Variants in YWHAZ observed in about 807,000 individuals in gnomAD.
YWHAZ encodes the protein tyrosine 3-monooxygenase/tryptophan 5-monooxygenase activation protein zeta, also known as 14-3-3 protein zeta/delta.
For missense variants in YWHAZ, 79 were observed against 284.8 expected, an observed-to-expected ratio of 0.28 and a Z score of 5.20; for synonymous variants, 87 against 103.6, an observed-to-expected ratio of 0.84 and a Z score of 0.97.
At chr8:100,950,218 G>C (rs960984666) in intron 1 of YWHAZ, among the ~76,000 whole-genome samples, 4 of 152,068 alleles carry the variant, frequency 2.6e-5, no homozygotes, top group African/African-American at 9.7e-5. Flanking sequence ...TTTTCCCTTA[G>C]GATCTCAGAA....
chr8:100,943,240 T>C (rs1385648443), intron 2 of YWHAZ, among the ~76,000 whole-genome samples: 1 of 152,226 alleles, frequency 6.6e-6, no homozygotes, highest in South Asian at 2.1e-4. Flanking sequence ...GTGTTTATTC[T>C]CTATGTGGAA....
chr8:100,931,259 T>A (rs964657698), intron 2 of YWHAZ, among the ~76,000 whole-genome samples: 2 of 152,206 alleles, frequency 1.3e-5, no homozygotes, highest in African/African-American at 4.8e-5. Context: ...AGGAACCACA[T>A]AAATTGACAG....
chr8:100,952,195 C>G (rs116539897), upstream of YWHAZ: 334 of 980,498 alleles, frequency 3.4e-4, 1 homozygote, highest in African/African-American at 5.6e-3. Flanking sequence ...CCCCGGCGCT[C>G]GTCCTGCCCG....
At chr8:100,946,902 A>G (rs1463596172) in intron 2 of YWHAZ, among the ~76,000 whole-genome samples, 3 of 151,752 alleles carry the variant, frequency 2.0e-5, no homozygotes, top group Non-Finnish European at 2.9e-5. Context: ...AAAAAACAAA[A>G]AAAACAAAAA....
intron 2 of YWHAZ, among the ~76,000 whole-genome samples, chr8:100,934,157 CAAAAAAAA>C (rs35069019): frequency 0.017 from 1,353 of 78,176 alleles, 54 homozygotes; most frequent in African/African-American, 0.062. Flanking sequence ...AGACTCGTCT[CAAAAAAAA>C]AAAAAAAAAA....
intron 1 of YWHAZ, chr8:100,951,057 GT>G: frequency 3.4e-5 from 3 of 88,528 alleles, no homozygotes; most frequent in Non-Finnish European, 5.3e-5. Flanking sequence ...TCCCCCGCCC[GT>G]TCACAAGGAG....
Position 100,917,726 on chromosome 8 carries a change from A to G in YWHAZ, c.*2967T>C, listed in dbSNP as rs1812763356. On this transcript the variant is annotated 3_prime_UTR_variant, in exon 6 of 6. Coordinates refer to ENST00000395958, the MANE Select transcript of YWHAZ (RefSeq NM_145690.3). ...AGTTGACACTCCGTCTTAAAAACAA[A>G]CGAACAAAAAAATTCCAGTACTTTA... 1 of 152,198 alleles carries G rather than the reference A, an allele frequency of 6.6e-6. No individual in the cohort carries two copies. Among genetic ancestry groups the G allele is most frequent in the Admixed American group, 6.5e-5 (1 of 15,288 alleles). 9.4% of individuals were successfully genotyped at this position (152,198 alleles called of 1,614,324 possible). A position where few individuals can be genotyped will look rare whatever the true frequency, so the allele number is the denominator to read the frequency against.
Position 100,918,832 on chromosome 8 carries a change from T to TA in YWHAZ, c.*1860dup, listed in dbSNP as rs1344710907. The TA allele has an allele frequency of 2.6e-5, 4 of 152,492 alleles. No homozygotes were observed. Among genetic ancestry groups the TA allele is most frequent in the Non-Finnish European group, 5.9e-5 (4 of 68,008 alleles). The allele number at this position is 152,492 out of a possible 1,614,324, so 9.4% of individuals were successfully genotyped here. A position where few individuals can be genotyped will look rare whatever the true frequency, so the allele number is the denominator to read the frequency against. ...GGAGCTTACATTCTAAAAGAAAAAA[T>TA]ACACCTTTTTTAAAATGGCATTTTT... On this transcript the variant is annotated 3_prime_UTR_variant, in exon 6 of 6. Transcript: ENST00000395958.
chr8:100,939,880 G>A lies in YWHAZ; in HGVS notation c.294+8716C>T, dbSNP rs1469483670. On this transcript the variant is annotated intron_variant, in intron 2 of 5. Coordinates refer to ENST00000395958, the MANE Select transcript of YWHAZ (RefSeq NM_145690.3). The stretch of plus-strand genomic sequence containing the variant: ...ACTAAAAAATACAAAAGAATTAGCC[G>A]GGCGTGGTGGCGGCCACCTGTAGTC... Among the ~76,000 whole-genome samples, 4 of 151,794 alleles carry A rather than the reference G, an allele frequency of 2.6e-5. 1 individual carries two copies. In the South Asian group the frequency reaches 6.2e-4, roughly 24 times the overall value.
intron 5 of YWHAZ, 146 bp downstream of exon 5, chr8:100,923,809 T>A (rs1408191342): frequency 1.8e-6 from 1 of 565,886 alleles, no homozygotes; most frequent in African/African-American, 1.9e-5. Context: ...AGGACTTTAA[T>A]AGTAGCTGAG....
chr8:100,926,652 G>A lies in YWHAZ; in HGVS notation c.295-1613C>T, dbSNP rs182656018. On this transcript the variant is annotated intron_variant, in intron 2 of 5. Coordinates refer to ENST00000395958, the MANE Select transcript of YWHAZ (RefSeq NM_145690.3). ...TAAAAATAAAATAAAATTACTGGCCGGAAATCAGAAGAACGTTTTGGTTAG... is the reference window on the plus strand; with the variant it reads ...TAAAAATAAAATAAAATTACTGGCCAGAAATCAGAAGAACGTTTTGGTTAG... 4.7e-4 allele frequency among the ~76,000 whole-genome samples: 71 copies of A among 152,202 alleles called. No homozygotes were observed. In the East Asian group the frequency reaches 9.5e-3, roughly 20 times the overall value.
chr8:100,941,894 C>A (rs965020528), intron 2 of YWHAZ, among the ~76,000 whole-genome samples: 1 of 151,958 alleles, frequency 6.6e-6, no homozygotes, highest in Non-Finnish European at 1.5e-5. Context: ...TGGGCAGTCC[C>A]TGCAAATTTA....
intron 2 of YWHAZ, among the ~76,000 whole-genome samples, chr8:100,927,690 G>T (rs141530313): frequency 6.6e-6 from 1 of 152,268 alleles, no homozygotes; most frequent in East Asian, 1.9e-4. Context: ...ATTTTTTTAG[G>T]AAAGGTGTTG....
intron 2 of YWHAZ, chr8:100,935,045 C>A (rs752122953): frequency 6.6e-6 from 1 of 151,758 alleles, no homozygotes; most frequent in African/African-American, 2.4e-5. Flanking sequence ...CCCAGCTACT[C>A]GGGAGGCTGA....
In YWHAZ at chr8:100,948,112, T is replaced by G. The variant is rs1810442844; in HGVS notation, c.294+484A>C. 1 of 1,534,914 alleles carries G rather than the reference T, an allele frequency of 6.5e-7. No individual in the cohort carries two copies. Among genetic ancestry groups the G allele is most frequent in the Non-Finnish European group, 8.7e-7 (1 of 1,146,732 alleles). On this transcript the variant is annotated intron_variant, in intron 2 of 5. Transcript: ENST00000395958. The surrounding 1 kb of genome is among the most constrained non-coding windows in gnomAD (Gnocchi z 4.2). ...TCAATGCAGGAAGAGGTTTCATAGT[T>G]GTGACGCCAGAGTTTTCTGCATGGT...
chr8:100,948,451 T>C lies in YWHAZ; in HGVS notation c.294+145A>G. ...ATCTATAATTGTCTTAACATCTTTTTAGTCATGACACCATGAAGACTTTTA... is the reference window on the plus strand; with the variant it reads ...ATCTATAATTGTCTTAACATCTTTTCAGTCATGACACCATGAAGACTTTTA... On this transcript the variant is annotated intron_variant, in intron 2 of 5. Coordinates refer to ENST00000395958, the MANE Select transcript of YWHAZ (RefSeq NM_145690.3). The surrounding 1 kb of genome is among the most constrained non-coding windows in gnomAD (Gnocchi z 4.2). The C allele has an allele frequency of 1.1e-6, 1 of 889,500 alleles. No individual in the cohort carries two copies. Among genetic ancestry groups the C allele is most frequent in the Non-Finnish European group, 1.7e-6 (1 of 583,720 alleles). 55.1% of individuals were successfully genotyped at this position (889,500 alleles called of 1,614,324 possible). A position where few individuals can be genotyped will look rare whatever the true frequency, so the allele number is the denominator to read the frequency against.
intron 2 of YWHAZ, among the ~76,000 whole-genome samples, chr8:100,945,139 T>G (rs1343865746): frequency 6.6e-6 from 1 of 152,206 alleles, no homozygotes; most frequent in Non-Finnish European, 1.5e-5. Flanking sequence ...TATTGCAGTT[T>G]GAAATTAACA....
At chr8:100,937,915 G>A (rs1470762375) in intron 2 of YWHAZ, among the ~76,000 whole-genome samples, 2 of 152,186 alleles carry the variant, frequency 1.3e-5, no homozygotes, top group Non-Finnish European at 1.5e-5. Flanking sequence ...AGGATGACCT[G>A]AGGTCAGGAG....
At chr8:100,929,940 A>G (rs758038793) in intron 2 of YWHAZ, among the ~76,000 whole-genome samples, 2 of 152,236 alleles carry the variant, frequency 1.3e-5, no homozygotes, top group Non-Finnish European at 2.9e-5. Context: ...AAAATATGCA[A>G]TAACTTCAGA....
Sources: gnomAD v4.1 joint callset for allele counts (sites outside exome capture counted in the v4.1 genomes callset) on GRCh38, gnomAD v4.1.1 for gene constraint, Gnocchi (gnomAD v3.1) non-coding constraint, MANE v1.5 for transcripts, NCBI Gene and HGNC (gene_info 2026-07-23, HGNC 2026-07-21) for gene names.